The following MALRD1 variants were observed in gnomAD, a reference collection of about 807,000 sequenced individuals.
The protein encoded by MALRD1 is MAM and LDL-receptor class A domain-containing protein 1.
Under a neutral mutation model 242.1 loss-of-function variants are expected in MALRD1, and 247 were observed. The ratio of observed to expected loss-of-function variants is 1.02; its 90% CI spans 0.92 to 1.13. The LOEUF (loss-of-function observed/expected upper bound fraction) is 1.13, where lower values mean the gene tolerates loss of function less well. Ranked by LOEUF, MALRD1 falls within the 50% of genes most tolerant of loss-of-function variation. MALRD1 has a pLI of 0.00. For missense variants in MALRD1, 2,989 were observed against 2,533.1 expected (o/e 1.18, Z -3.86); for synonymous variants, 995 against 866.6 (o/e 1.15, Z -2.60).
intron 32 of MALRD1, among the ~76,000 whole-genome samples, chr10:19,561,222 A>G (rs755159544): frequency 3.3e-5 from 5 of 152,160 alleles, no homozygotes; most frequent in Admixed American, 6.5e-5. Flanking sequence ...TAAATTTGCT[A>G]CAGTTTGTTT....
At chr10:19,476,431 G>A (rs7902426) in intron 29 of MALRD1, among the ~76,000 whole-genome samples, 46,910 of 151,914 alleles carry the variant, frequency 0.31, 7,787 homozygotes, top group East Asian at 0.41. Flanking sequence ...TTGGCAAGGG[G>A]TGTGTCCAGC....
chr10:19,641,734 T>C (rs1387008495), intron 36 of MALRD1, among the ~76,000 whole-genome samples: 1 of 152,186 alleles, frequency 6.6e-6, no homozygotes, highest in Non-Finnish European at 1.5e-5. Context: ...TTATGCAAGC[T>C]CATTAGTTGA....
At chr10:19,165,328 C>G (rs1220328735) in intron 12 of MALRD1, among the ~76,000 whole-genome samples, 1 of 144,836 alleles carries the variant, frequency 6.9e-6, no homozygotes, top group Admixed American at 7.0e-5. Flanking sequence ...GAGATGGAGT[C>G]TCACTCTTGT....
intron 29 of MALRD1, among the ~76,000 whole-genome samples, chr10:19,479,022 C>T (rs1836866738): frequency 6.6e-6 from 1 of 152,114 alleles, no homozygotes; most frequent in South Asian, 2.1e-4. Flanking sequence ...TTCAAATAGC[C>T]ACCTATTCTC....
At chr10:19,484,194 G>A (rs1439562184) in intron 29 of MALRD1, among the ~76,000 whole-genome samples, 1 of 152,118 alleles carries the variant, frequency 6.6e-6, no homozygotes, top group Non-Finnish European at 1.5e-5. Context: ...TAGGTGACAG[G>A]ATTATTTGTA....
At chr10:19,155,011 A>T in intron 11 of MALRD1, 64 bp from the exon 12 acceptor site, 1 of 885,392 alleles carries the variant, frequency 1.1e-6, no homozygotes, top group Non-Finnish European at 1.5e-6. Flanking sequence ...AAGATTGTGG[A>T]GCAAAGAACA....
intron 34 of MALRD1, among the ~76,000 whole-genome samples, chr10:19,605,882 A>G (rs1313987355): frequency 1.3e-5 from 2 of 151,778 alleles, no homozygotes; most frequent in Non-Finnish European, 2.9e-5. Context: ...TCTCCCCTGA[A>G]CTCTACATTC....
chr10:19,275,051 A>G (rs774613660), intron 19 of MALRD1, among the ~76,000 whole-genome samples: 4 of 152,168 alleles, frequency 2.6e-5, no homozygotes, highest in Non-Finnish European at 5.9e-5. Flanking sequence ...AGGAAGAATG[A>G]GGTCTGAGCT....
rs373378081 is a variant in MALRD1, at chr10:19,149,565, T to C, written c.1558+3221T>C. Among the ~76,000 whole-genome samples, 65 of 152,270 alleles carry C rather than the reference T, an allele frequency of 4.3e-4. 1 individual carries two copies. Among genetic ancestry groups the C allele is most frequent in the African/African-American group, 1.3e-3 (54 of 41,550 alleles). On this transcript the variant is annotated intron_variant, in intron 11 of 39. Coordinates refer to ENST00000454679, the MANE Select transcript of MALRD1 (RefSeq NM_001142308.3). ...ATATTCAAAATTATATGTGTTTCTG[T>C]GGTTGTTTGTTTTTTAAGAAATATA...
chr10:19,621,403 G>C (rs1230470747), intron 36 of MALRD1, among the ~76,000 whole-genome samples: 2 of 146,812 alleles, frequency 1.4e-5, no homozygotes, highest in African/African-American at 2.5e-5. Context: ...AAATGAATTG[G>C]CTGGATTAAC....
At chr10:19,396,192 C>T (rs1846572647) in intron 28 of MALRD1, among the ~76,000 whole-genome samples, 1 of 137,754 alleles carries the variant, frequency 7.3e-6, no homozygotes, top group African/African-American at 2.8e-5. Context: ...GGCTGAGGTG[C>T]AGTGATGCAA....
chr10:19,441,695 GT>G (rs1228816246), intron 28 of MALRD1, among the ~76,000 whole-genome samples: 1 of 152,030 alleles, frequency 6.6e-6, no homozygotes, highest in Admixed American at 6.6e-5. Context: ...GTCTATATCT[GT>G]TTTTTGGTAC....
At chr10:19,657,942 G>T (rs1470153116) in intron 36 of MALRD1, among the ~76,000 whole-genome samples, 2 of 152,094 alleles carry the variant, frequency 1.3e-5, no homozygotes, top group Non-Finnish European at 2.9e-5. Flanking sequence ...GAGGTTGGGA[G>T]TTTGAGACCA....
chr10:19,238,529 A>ATATAATG lies in MALRD1; in HGVS notation c.2992-19153_2992-19152insTAATGTA, dbSNP rs1564492897. 5.4e-4 allele frequency among the ~76,000 whole-genome samples: 46 copies of ATATAATG among 85,626 alleles called. 1 individual carries two copies. Among genetic ancestry groups the ATATAATG allele is most frequent in the East Asian group, 3.2e-3 (10 of 3,090 alleles). 56.2% of individuals were successfully genotyped at this position (85,626 alleles called of 152,430 possible). On this transcript the variant is annotated intron_variant, in intron 18 of 39. Transcript: ENST00000454679. ...ATATATAATGTATATTATATATAATATACATTATATATAATATATAATGTA... is the reference window on the plus strand; with the variant it reads ...ATATATAATGTATATTATATATAATATATAATGTACATTATATATAATATATAATGTA...
At chr10:19,312,933 C>T (rs975437352) in intron 21 of MALRD1, among the ~76,000 whole-genome samples, 19 of 151,414 alleles carry the variant, frequency 1.3e-4, no homozygotes, top group African/African-American at 4.1e-4. Flanking sequence ...ATTGTAAAAA[C>T]GGAACATCTT....
chr10:19,437,936 T>C (rs574774323), intron 28 of MALRD1, among the ~76,000 whole-genome samples: 33 of 152,290 alleles, frequency 2.2e-4, no homozygotes, highest in Admixed American at 1.8e-3. Context: ...TTCCAAGTCC[T>C]TCCTTACAAT....
chr10:19,360,183 G>T (rs972797414), intron 26 of MALRD1, among the ~76,000 whole-genome samples: 2 of 152,018 alleles, frequency 1.3e-5, no homozygotes, highest in African/African-American at 4.8e-5. Context: ...TGAGTAGGGG[G>T]TATACTTTGT....
At chr10:19,579,330 C>A (rs1836990955) in intron 33 of MALRD1, among the ~76,000 whole-genome samples, 1 of 152,180 alleles carries the variant, frequency 6.6e-6, no homozygotes. Flanking sequence ...CTTTCTAAGA[C>A]AGATAAAACT....
chr10:19,384,272 A>G (rs1417154036), intron 26 of MALRD1, among the ~76,000 whole-genome samples: 1 of 138,022 alleles, frequency 7.2e-6, no homozygotes, highest in South Asian at 2.1e-4. Flanking sequence ...AACATAATAC[A>G]TATCTTATAT....
Sources: gnomAD v4.1 joint callset for allele counts (sites outside exome capture counted in the v4.1 genomes callset) on GRCh38, gnomAD v4.1.1 for gene constraint, MANE v1.5 for transcripts, NCBI Gene and HGNC (gene_info 2026-07-23, HGNC 2026-07-21) for gene names.